Variants in STX8 observed in about 807,000 individuals in gnomAD.
STX8 encodes the protein syntaxin 8, also known as syntaxin-8.
STX8 carries 23 observed loss-of-function variants against 37.5 expected under a neutral mutation model. The observed-to-expected ratio is 0.61, with a 90% confidence interval of 0.44 to 0.87. The LOEUF (loss-of-function observed/expected upper bound fraction) is 0.87, where lower values mean the gene tolerates loss of function less well. Among genes scored for constraint, STX8 ranks in the 40% least tolerant of loss-of-function variants. The pLI is 0.00. For synonymous variants in STX8, 115 were observed against 99.1 expected (o/e 1.16, Z -0.95); for missense variants, 313 against 284.7 (o/e 1.10, Z -0.71).
intron 6 of STX8, among the ~76,000 whole-genome samples, chr17:9,475,488 T>C (rs1445669973): frequency 6.6e-6 from 1 of 152,184 alleles, no homozygotes; most frequent in Non-Finnish European, 1.5e-5. Context: ...ACAGAACAGC[T>C]GAGCCAGTCT....
intron 6 of STX8, among the ~76,000 whole-genome samples, chr17:9,390,836 CAAAA>C (rs34205577): frequency 3.2e-5 from 3 of 93,530 alleles, no homozygotes; most frequent in Non-Finnish European, 6.3e-5. Context: ...GACTCCGTCT[CAAAA>C]AAAAAAAAAA....
chr17:9,306,639 C>G (rs942517091), intron 7 of STX8, among the ~76,000 whole-genome samples: 11 of 149,854 alleles, frequency 7.3e-5, no homozygotes, highest in Non-Finnish European at 1.5e-4. Flanking sequence ...GTGGTGCATG[C>G]CTGTAATCCC....
At chr17:9,504,291 A>G (rs940932116) in intron 5 of STX8, among the ~76,000 whole-genome samples, 4 of 152,112 alleles carry the variant, frequency 2.6e-5, no homozygotes, top group Non-Finnish European at 4.4e-5. Context: ...TACACTTTGT[A>G]TAACAATCAT....
chr17:9,453,211 C>T (rs189220175), intron 6 of STX8, among the ~76,000 whole-genome samples: 2 of 152,230 alleles, frequency 1.3e-5, no homozygotes, highest in East Asian at 3.9e-4. Context: ...AACTCACTGA[C>T]CCTGGTTCAT....
intron 6 of STX8, among the ~76,000 whole-genome samples, chr17:9,430,995 G>T (rs147250542): frequency 2.7e-5 from 4 of 150,700 alleles, no homozygotes; most frequent in Non-Finnish European, 5.9e-5. Flanking sequence ...CATCTCATTG[G>T]GTAGCAGGGG....
chr17:9,261,986 C>A (rs1907055970), intron 7 of STX8, among the ~76,000 whole-genome samples: 2 of 152,174 alleles, frequency 1.3e-5, no homozygotes, highest in South Asian at 4.2e-4. Flanking sequence ...TTCGGCATTA[C>A]AAACCCCTCC....
At chr17:9,305,053 C>A (rs958808597) in intron 7 of STX8, among the ~76,000 whole-genome samples, 1 of 151,576 alleles carries the variant, frequency 6.6e-6, no homozygotes, top group African/African-American at 2.4e-5. Context: ...TTTTCACTTT[C>A]GGTATAGTAT....
At chr17:9,573,861 A>G (rs1907788949) in intron 1 of STX8, among the ~76,000 whole-genome samples, 1 of 152,250 alleles carries the variant, frequency 6.6e-6, no homozygotes, top group South Asian at 2.1e-4. Flanking sequence ...AATAAGAGAT[A>G]GAACAAAGGG....
At chr17:9,500,750 A>G (rs1904579849) in intron 5 of STX8, among the ~76,000 whole-genome samples, 1 of 152,176 alleles carries the variant, frequency 6.6e-6, no homozygotes, top group African/African-American at 2.4e-5. Context: ...CGCCTGTAAT[A>G]CCAGCACTTT....
chr17:9,356,777 C>A (rs1910892157), intron 7 of STX8, among the ~76,000 whole-genome samples: 1 of 152,112 alleles, frequency 6.6e-6, no homozygotes, highest in Admixed American at 6.5e-5. Flanking sequence ...TCTGCTGCAG[C>A]CCAGGGGCCA....
At chr17:9,524,813 G>GTTT (rs11403311) in intron 4 of STX8, among the ~76,000 whole-genome samples, 24 of 145,226 alleles carry the variant, frequency 1.7e-4, no homozygotes, top group Admixed American at 4.1e-4. Flanking sequence ...GTCTCACTCT[G>GTTT]TTTTTTTTTT....
intron 7 of STX8, among the ~76,000 whole-genome samples, chr17:9,306,681 C>T (rs1173348204): frequency 4.0e-5 from 6 of 149,992 alleles, no homozygotes; most frequent in Non-Finnish European, 7.4e-5. Flanking sequence ...GGGAGAATCA[C>T]GTGAACCCAG....
intron 7 of STX8, among the ~76,000 whole-genome samples, chr17:9,283,558 A>G (rs1907968296): frequency 6.6e-6 from 1 of 152,098 alleles, no homozygotes; most frequent in African/African-American, 2.4e-5. Flanking sequence ...AAACAAATAA[A>G]AGAAATAGAA....
intron 4 of STX8, among the ~76,000 whole-genome samples, chr17:9,534,335 GAAACAAAC>G (rs149008719): frequency 0.048 from 7,277 of 151,650 alleles, 616 homozygotes; most frequent in African/African-American, 0.17. Flanking sequence ...ATGCCTTGGA[GAAACAAAC>G]AAACAAACAA....
At chr17:9,536,101 T>C (rs1445445049) in intron 4 of STX8, among the ~76,000 whole-genome samples, 1 of 152,184 alleles carries the variant, frequency 6.6e-6, no homozygotes, top group Admixed American at 6.5e-5. Context: ...AGTAATTACT[T>C]ATGTTGAGGA....
intron 6 of STX8, chr17:9,469,390 C>T (rs978882456): frequency 2.0e-5 from 3 of 150,938 alleles, no homozygotes; most frequent in Admixed American, 2.0e-4. Flanking sequence ...ACACATCTAC[C>T]CCTAAAGATG....
chr17:9,546,593 T>TTTTTG (rs1906532227), intron 3 of STX8, among the ~76,000 whole-genome samples: 1 of 107,896 alleles, frequency 9.3e-6, no homozygotes, highest in Non-Finnish European at 1.9e-5. Flanking sequence ...CAAAAGTGGT[T>TTTTTG]TTTTTTTTTT....
At chr17:9,401,671 A>T (rs1266580261) in intron 6 of STX8, among the ~76,000 whole-genome samples, 1 of 152,174 alleles carries the variant, frequency 6.6e-6, no homozygotes, top group Non-Finnish European at 1.5e-5. Context: ...CTCATTCCAT[A>T]GGAACATCAC....
At chr17:9,550,059 T>TA (rs997944114) in intron 3 of STX8, among the ~76,000 whole-genome samples, 3 of 151,844 alleles carry the variant, frequency 2.0e-5, no homozygotes, top group Non-Finnish European at 4.4e-5. Flanking sequence ...CCATCTGTAC[T>TA]AAAAAAATAC....
Sources: gnomAD v4.1 joint callset for allele counts (sites outside exome capture counted in the v4.1 genomes callset) on GRCh38, gnomAD v4.1.1 for gene constraint, MANE v1.5 for transcripts, NCBI Gene and HGNC (gene_info 2026-07-23, HGNC 2026-07-21) for gene names.